The following ASAP2 variants were observed in gnomAD, a reference collection of about 807,000 sequenced individuals.
ASAP2 encodes the protein ArfGAP with SH3 domain, ankyrin repeat and PH domain 2.
A neutral mutation model predicts 131.4 loss-of-function variants in ASAP2; 45 were observed. The observed-to-expected ratio is 0.34, with a 90% CI of 0.27 to 0.44. The LOEUF (loss-of-function observed/expected upper bound fraction) is 0.44. ASAP2 is among the 20% of genes least tolerant of loss of function. The pLI, the probability that ASAP2 is intolerant of heterozygous loss-of-function variation, is 1.00. For synonymous variants in ASAP2, 510 were observed against 503.0 expected, an observed-to-expected ratio of 1.01 and a Z score of -0.19; for missense variants, 1,011 against 1,297.0, an observed-to-expected ratio of 0.78 and a Z score of 3.39.
At chr2:9,334,702 TGAAA>T in intron 7 of ASAP2, 32 bp from the exon 8 acceptor site, 1 of 1,583,354 alleles carries the variant, frequency 6.3e-7, no homozygotes, top group South Asian at 1.1e-5. Context: ...TTTTCCTTTG[TGAAA>T]TGTCATCTCT....
intron 16 of ASAP2, among the ~76,000 whole-genome samples, chr2:9,372,135 C>T (rs1253010795): frequency 6.6e-6 from 1 of 152,080 alleles, no homozygotes; most frequent in Admixed American, 6.5e-5. Flanking sequence ...CTGTGGAGGT[C>T]GCAGTAATGA....
chr2:9,381,097 C>G (rs916016437), intron 20 of ASAP2, among the ~76,000 whole-genome samples: 2 of 152,182 alleles, frequency 1.3e-5, no homozygotes, highest in Admixed American at 1.3e-4. Flanking sequence ...AACAGAGGCC[C>G]GAGGCCACCA....
chr2:9,362,829 G>T (rs1673198935), intron 15 of ASAP2, among the ~76,000 whole-genome samples: 1 of 152,152 alleles, frequency 6.6e-6, no homozygotes, highest in African/African-American at 2.4e-5. Context: ...GGGCAACAGA[G>T]TGAGACTGTC....
At chr2:9,318,405 C>T (rs765338184) in intron 3 of ASAP2, 119 bp from the exon 4 acceptor site, 8 of 723,848 alleles carry the variant, frequency 1.1e-5, no homozygotes, top group South Asian at 3.3e-5. Flanking sequence ...GTACATGCAC[C>T]GGCCAGGTTT....
At chr2:9,241,810 G>C (rs1264517218) in intron 1 of ASAP2, among the ~76,000 whole-genome samples, 1 of 152,178 alleles carries the variant, frequency 6.6e-6, no homozygotes, top group East Asian at 1.9e-4. Flanking sequence ...GAAAGGGATG[G>C]CATTTTGATC....
rs189636758 is a variant in ASAP2, at chr2:9,295,405, G to C, written c.200-1895G>C. 1.9e-4 allele frequency among the ~76,000 whole-genome samples: 29 copies of C among 152,358 alleles called. 1 individual carries two copies. The East Asian group carries it at 5.0e-3, about 26-fold the overall frequency. On this transcript the variant is annotated intron_variant, in intron 2 of 27. Coordinates refer to ENST00000281419, the MANE Select transcript of ASAP2 (RefSeq NM_003887.3). ...TTTGTGCTTTGAATAAGTGACGCCT[G>C]TTGCTGCTGTTACTTTTGTTAGTGT...
chr2:9,369,088 G>A (rs981486078), intron 16 of ASAP2, among the ~76,000 whole-genome samples: 7 of 151,248 alleles, frequency 4.6e-5, no homozygotes, highest in Admixed American at 1.3e-4. Flanking sequence ...GCACGATCTC[G>A]GCTCACTGCA....
chr2:9,214,035 C>T (rs1286374707), intron 1 of ASAP2, among the ~76,000 whole-genome samples: 2 of 152,200 alleles, frequency 1.3e-5, no homozygotes, highest in East Asian at 1.9e-4. Context: ...ATGCAGACTA[C>T]AGCAGGTGAT....
At chr2:9,371,882 C>G (rs1052033365) in intron 16 of ASAP2, among the ~76,000 whole-genome samples, 2 of 152,018 alleles carry the variant, frequency 1.3e-5, no homozygotes, top group African/African-American at 4.8e-5. Flanking sequence ...TTTGGGAGGC[C>G]GAGGTGGGCG....
In ASAP2 at chr2:9,237,855, A is replaced by G. The variant is rs181574592; in HGVS notation, c.126+30625A>G. Among the ~76,000 whole-genome samples the G allele has an allele frequency of 3.9e-3, 593 of 152,334 alleles. 1 individual carries two copies. Among genetic ancestry groups the G allele is most frequent in the African/African-American group, 0.014 (567 of 41,578 alleles). ...CAGAGCAGTTGTCTTGAGGAAAACC[A>G]GTGAGATGATCCCATCTCTTCCCAT... On this transcript the variant is annotated intron_variant, in intron 1 of 27. Coordinates refer to ENST00000281419, the MANE Select transcript of ASAP2 (RefSeq NM_003887.3).
intron 17 of ASAP2, among the ~76,000 whole-genome samples, chr2:9,376,308 CCTT>C (rs925427489): frequency 1.3e-5 from 2 of 152,230 alleles, no homozygotes; most frequent in African/African-American, 4.8e-5. Context: ...CTGTATCTGT[CCTT>C]CTCCTCTGGT....
Position 9,389,780 on chromosome 2 carries a change from G to A in ASAP2, c.2383+1234G>A, listed in dbSNP as rs367679590. Among the ~76,000 whole-genome samples the A allele has an allele frequency of 4.4e-4, 67 of 152,258 alleles. No individual in the cohort carries two copies. Among genetic ancestry groups the A allele is most frequent in the Admixed American group, 2.5e-3 (38 of 15,286 alleles). ...CCACACAGCCCACATCCCAGACCGC[G>A]TCCATCCCTGGCTTGATGAGGACGT... is the stretch of plus-strand genomic sequence containing the variant. On this transcript the variant is annotated intron_variant, in intron 22 of 27. Coordinates refer to ENST00000281419, the MANE Select transcript of ASAP2 (RefSeq NM_003887.3). This position sits in a 1 kb window ranked among gnomAD's most constrained non-coding sequence, Gnocchi z 4.7.
chr2:9,321,876 G>C (rs1670168394), intron 5 of ASAP2, among the ~76,000 whole-genome samples: 1 of 152,072 alleles, frequency 6.6e-6, no homozygotes, highest in South Asian at 2.1e-4. Context: ...AGTAATTGTA[G>C]GATAAATAAA....
intron 1 of ASAP2, among the ~76,000 whole-genome samples, chr2:9,224,116 G>A (rs1489525005): frequency 1.3e-5 from 2 of 152,196 alleles, no homozygotes; most frequent in African/African-American, 2.4e-5. Flanking sequence ...TTTGGGCCTT[G>A]GTGGAATTTT....
chr2:9,370,215 G>A (rs890580531), intron 16 of ASAP2, among the ~76,000 whole-genome samples: 1 of 152,172 alleles, frequency 6.6e-6, no homozygotes, highest in African/African-American at 2.4e-5. Flanking sequence ...TCTGCGTTTT[G>A]CTGATGTAAC....
At chr2:9,361,591 A>G (rs916896481) in intron 15 of ASAP2, among the ~76,000 whole-genome samples, 4 of 147,260 alleles carry the variant, frequency 2.7e-5, no homozygotes, top group African/African-American at 1.0e-4. Context: ...TTTTTTTGAC[A>G]GGGTCTCACT....
intron 19 of ASAP2, among the ~76,000 whole-genome samples, chr2:9,380,404 GC>G (rs1311780257): frequency 2.0e-5 from 3 of 151,962 alleles, no homozygotes; most frequent in African/African-American, 4.8e-5. Context: ...CACCATGTTG[GC>G]CAGGCTGGTC....
chr2:9,249,331 C>T (rs1664551616), intron 1 of ASAP2, among the ~76,000 whole-genome samples: 1 of 152,200 alleles, frequency 6.6e-6, no homozygotes. Context: ...CCCCATTCTG[C>T]CCTCACGTCT....
At chr2:9,270,110 T>G (rs1357479400) in intron 1 of ASAP2, among the ~76,000 whole-genome samples, 2 of 152,278 alleles carry the variant, frequency 1.3e-5, no homozygotes, top group African/African-American at 4.8e-5. Flanking sequence ...TCTGTAAAAC[T>G]TGTTTGACAA....
Sources: allele counts gnomAD v4.1 joint callset (sites outside exome capture counted in the v4.1 genomes callset), GRCh38; gene constraint gnomAD v4.1.1; non-coding constraint Gnocchi (gnomAD v3.1); transcripts MANE v1.5; gene names NCBI Gene and HGNC (gene_info 2026-07-23, HGNC 2026-07-21).